Variants in RORA observed in about 807,000 individuals in gnomAD.
RORA encodes nuclear receptor ROR-alpha.
RORA carries 7 observed loss-of-function variants against 69.5 expected under a neutral mutation model. That is an observed-to-expected ratio of 0.10 (90% confidence interval 0.06 to 0.19). RORA has a LOEUF of 0.19. RORA is among the 10% of genes least tolerant of loss of function. RORA has a pLI of 1.00. For synonymous variants in RORA, 261 were observed against 240.8 expected (o/e 1.08, Z -0.78); for missense variants, 457 against 663.0 (o/e 0.69, Z 3.41).
chr15:60,820,548 G>A (rs936704763), intron 1 of RORA, among the ~76,000 whole-genome samples: 2 of 151,668 alleles, frequency 1.3e-5, no homozygotes, highest in African/African-American at 4.9e-5. Context: ...GAAAAAAGGC[G>A]CATTCTCTTT....
intron 2 of RORA, among the ~76,000 whole-genome samples, chr15:60,589,169 T>C (rs1389136922): frequency 6.6e-6 from 1 of 152,238 alleles, no homozygotes; most frequent in Non-Finnish European, 1.5e-5. Flanking sequence ...CAATGGGTCC[T>C]TACAGTGAGA....
chr15:61,011,569 T>G (rs1365203691), intron 1 of RORA, among the ~76,000 whole-genome samples: 1 of 152,130 alleles, frequency 6.6e-6, no homozygotes, highest in Non-Finnish European at 1.5e-5. Context: ...AAGGGAGATA[T>G]TGGCAAAATA....
At chr15:61,004,111 C>T (rs1004556200) in intron 1 of RORA, among the ~76,000 whole-genome samples, 2 of 152,082 alleles carry the variant, frequency 1.3e-5, no homozygotes, top group Non-Finnish European at 2.9e-5. Flanking sequence ...GGGAGTCAGA[C>T]AAGAGGAGGT....
Position 61,137,019 on chromosome 15 carries a change from AAAAGAAAGAAAGAAAGAAAGAAAGAAAG to A in RORA, c.166+92006_166+92033del, listed in dbSNP as rs551072168. On this transcript the variant is annotated intron_variant, in intron 1 of 10. Transcript: ENST00000335670. Reference sequence around the variant, plus strand: ...AGAGTCCCCTCTAAAAAATAAATAAAAAAGAAAGAAAGAAAGAAAGAAAGAAAGAAAGAAAGAAAGAAAGAAAGAAAGA... The same window carrying A: ...AGAGTCCCCTCTAAAAAATAAATAAAAAAGAAAGAAAGAAAGAAAGAAAGA... Among the ~76,000 whole-genome samples, 211 of 61,170 alleles carry A rather than the reference AAAAGAAAGAAAGAAAGAAAGAAAGAAAG, an allele frequency of 3.4e-3. 3 individuals carry two copies. Among genetic ancestry groups the A allele is most frequent in the Middle Eastern group, 0.028 (3 of 108 alleles). 40.1% of individuals were successfully genotyped at this position (61,170 alleles called of 152,430 possible). A position where few individuals can be genotyped will look rare whatever the true frequency, so the allele number is the denominator to read the frequency against.
intron 1 of RORA, among the ~76,000 whole-genome samples, chr15:60,995,332 G>T (rs531968786): frequency 8.5e-5 from 13 of 152,188 alleles, no homozygotes; most frequent in Non-Finnish European, 1.5e-4. Context: ...CCTCAGGTGT[G>T]GCAGCTGAGC....
At position 61,128,877 on chromosome 15, in the gene RORA, C is replaced by G. The variant is rs927216919; in HGVS notation, c.166+100176G>C. Among the ~76,000 whole-genome samples the G allele has an allele frequency of 2.0e-5, 3 of 152,182 alleles. No individual in the cohort carries two copies. The highest frequency in any genetic ancestry group is 2.1e-4 in the South Asian group (1 of 4,830). On this transcript the variant is annotated intron_variant, in intron 1 of 10. Transcript: ENST00000335670. This position sits in a 1 kb window ranked among gnomAD's most constrained non-coding sequence, Gnocchi z 4.5. ...TGAGAGCAACCAACCTGGTCCTGCA[C>G]GCTCATTTACATGGGACCCAAGAAG...
intron 1 of RORA, among the ~76,000 whole-genome samples, chr15:61,014,102 C>T (rs1233810849): frequency 6.6e-6 from 1 of 152,118 alleles, no homozygotes; most frequent in African/African-American, 2.4e-5. Flanking sequence ...TTTTAAATAA[C>T]AGCTCTGTAA....
intron 1 of RORA, among the ~76,000 whole-genome samples, chr15:61,089,253 C>A (rs924512209): frequency 6.6e-6 from 1 of 152,158 alleles, no homozygotes; most frequent in African/African-American, 2.4e-5. Context: ...AATCCCCCTA[C>A]TGTAGAAAAA....
chr15:60,792,789 T>C (rs763024088), intron 1 of RORA, among the ~76,000 whole-genome samples: 6 of 152,154 alleles, frequency 3.9e-5, no homozygotes, highest in Admixed American at 6.5e-5. Flanking sequence ...TCTGCAGTCT[T>C]AAGGGAAATG....
At chr15:60,931,300 C>T (rs542720314) in intron 1 of RORA, among the ~76,000 whole-genome samples, 1 of 152,302 alleles carries the variant, frequency 6.6e-6, no homozygotes, top group East Asian at 1.9e-4. Context: ...GAAGGGCAGC[C>T]TACAGGCCTC....
chr15:60,980,396 G>A (rs1190745292), intron 1 of RORA, among the ~76,000 whole-genome samples: 1 of 152,128 alleles, frequency 6.6e-6, no homozygotes, highest in Non-Finnish European at 1.5e-5. Context: ...TGACCTCACA[G>A]AATGAGTTAG....
In RORA at chr15:60,531,746, C is replaced by T; in HGVS notation, c.282+20G>A. 1 of 1,360,510 alleles carries T rather than the reference C, an allele frequency of 7.4e-7. No individual in the cohort carries two copies. Among genetic ancestry groups the T allele is most frequent in the Non-Finnish European group, 1.0e-6 (1 of 974,768 alleles). The allele number at this position is 1,360,510 out of a possible 1,614,324, so 84.3% of individuals were successfully genotyped here. A position where few individuals can be genotyped will look rare whatever the true frequency, so the allele number is the denominator to read the frequency against. ...TTCTAACAAACATTAATAGAAACAA[C>T]AACAATTAAAAAGGCTTACCTTGCA... On this transcript the variant is annotated intron_variant, in intron 3 of 10. Transcript: ENST00000335670. The surrounding 1 kb of genome is among the most constrained non-coding windows in gnomAD (Gnocchi z 4.8).
At chr15:60,946,233 A>T (rs1595836440) in intron 1 of RORA, among the ~76,000 whole-genome samples, 2 of 149,090 alleles carry the variant, frequency 1.3e-5, no homozygotes, top group African/African-American at 2.5e-5. Context: ...AATGACTCCG[A>T]CTCCCTCTCC....
intron 1 of RORA, among the ~76,000 whole-genome samples, chr15:61,144,118 G>A (rs2079324666): frequency 6.6e-6 from 1 of 152,162 alleles, no homozygotes; most frequent in South Asian, 2.1e-4. Context: ...GTCCTCTACT[G>A]GGCTCCCTGG....
At chr15:60,909,309 G>A (rs568978504) in intron 1 of RORA, among the ~76,000 whole-genome samples, 55 of 152,296 alleles carry the variant, frequency 3.6e-4, no homozygotes, top group African/African-American at 1.2e-3. Context: ...GCTGTTCTGA[G>A]GAGTCAGGAA....
At chr15:60,680,065 T>C (rs926064332) in intron 1 of RORA, among the ~76,000 whole-genome samples, 3 of 152,176 alleles carry the variant, frequency 2.0e-5, no homozygotes, top group African/African-American at 7.2e-5. Flanking sequence ...AAATAACCTT[T>C]ATCGTGGGAA....
At chr15:60,642,106 C>A (rs770445095) in intron 2 of RORA, among the ~76,000 whole-genome samples, 3 of 152,142 alleles carry the variant, frequency 2.0e-5, no homozygotes, top group South Asian at 4.1e-4. Context: ...AATAGTATGT[C>A]CTTTAGCTCA....
chr15:60,748,467 T>C (rs2071679903), intron 1 of RORA, among the ~76,000 whole-genome samples: 3 of 152,246 alleles, frequency 2.0e-5, no homozygotes, highest in Non-Finnish European at 4.4e-5. Flanking sequence ...TATATGTTAA[T>C]GTTTCACACT....
At chr15:61,077,971 A>G (rs1382644765) in intron 1 of RORA, among the ~76,000 whole-genome samples, 8 of 152,106 alleles carry the variant, frequency 5.3e-5, no homozygotes, top group Admixed American at 2.0e-4. Flanking sequence ...TACATCCTCA[A>G]TGACACTGAA....
Sources: gnomAD v4.1 joint callset for allele counts (sites outside exome capture counted in the v4.1 genomes callset) on GRCh38, gnomAD v4.1.1 for gene constraint, Gnocchi (gnomAD v3.1) non-coding constraint, MANE v1.5 for transcripts, NCBI Gene and HGNC (gene_info 2026-07-23, HGNC 2026-07-21) for gene names.